ATP11A: variants seen among roughly 807,000 people sequenced by gnomAD.
ATP11A encodes phospholipid-transporting ATPase IH.
Under a neutral mutation model 154.4 loss-of-function variants are expected in ATP11A, and 81 were observed. That is an observed-to-expected ratio of 0.52 (90% CI 0.44 to 0.63). The LOEUF (loss-of-function observed/expected upper bound fraction) is 0.63. Ranked by LOEUF, ATP11A falls within the 30% of genes least tolerant of loss-of-function variation. ATP11A has a pLI of 0.00. For missense variants in ATP11A, 1,316 were observed against 1,474.3 expected (o/e 0.89, Z 1.76); for synonymous variants, 623 against 585.9 (o/e 1.06, Z -0.91).
At chr13:112,808,793 G>A (rs890381702) in intron 4 of ATP11A, among the ~76,000 whole-genome samples, 6 of 152,084 alleles carry the variant, frequency 3.9e-5, no homozygotes, top group African/African-American at 1.4e-4. Context: ...CTGCCAGAGC[G>A]GCCTTTCCCT....
chr13:112,761,387 T>G (rs1407638124), intron 1 of ATP11A, among the ~76,000 whole-genome samples: 1 of 152,236 alleles, frequency 6.6e-6, no homozygotes, highest in African/African-American at 2.4e-5. Context: ...GAATCTTCTC[T>G]CTGTGAAACT....
intron 1 of ATP11A, among the ~76,000 whole-genome samples, chr13:112,778,281 G>A (rs1383514635): frequency 6.6e-6 from 1 of 152,248 alleles, no homozygotes; most frequent in Non-Finnish European, 1.5e-5. Context: ...TGAGCTTAGC[G>A]GCTCTGTGAG....
chr13:112,777,288 G>T (rs987373764), intron 1 of ATP11A, among the ~76,000 whole-genome samples: 2 of 152,308 alleles, frequency 1.3e-5, no homozygotes, highest in South Asian at 2.1e-4. Context: ...CTAAGGCTGG[G>T]CATGGTGGCT....
At chr13:112,831,691 A>C in intron 13 of ATP11A, 143 bp downstream of exon 13, 1 of 952,054 alleles carries the variant, frequency 1.1e-6, no homozygotes, top group South Asian at 1.6e-5. Context: ...AGAAGGTGCG[A>C]TGTGTGTGGT....
rs1355532673 is a variant in ATP11A, at chr13:112,697,202, T to C, written c.39+6747T>C. Among the ~76,000 whole-genome samples, 1 of 152,082 alleles carries C rather than the reference T, an allele frequency of 6.6e-6. No individual in the cohort carries two copies. Among genetic ancestry groups the C allele is most frequent in the Non-Finnish European group, 1.5e-5 (1 of 68,006 alleles). ...GCCGCCCCTCGGTGGGCTCCGGTGC[T>C]GGCCTCTGCCTTCCCCAGGGCCACG... On this transcript the variant is annotated intron_variant, in intron 1 of 29. Coordinates refer to ENST00000375645, the MANE Select transcript of ATP11A (RefSeq NM_015205.3). This position sits in a 1 kb window ranked among gnomAD's most constrained non-coding sequence, Gnocchi z 4.0.
At chr13:112,738,445 G>A (rs945905688) in intron 1 of ATP11A, among the ~76,000 whole-genome samples, 7 of 152,208 alleles carry the variant, frequency 4.6e-5, no homozygotes, top group Admixed American at 6.5e-5. Flanking sequence ...CCCTCTGCTC[G>A]TAGAGTATTG....
At chr13:112,729,682 C>T (rs1438315650) in intron 1 of ATP11A, among the ~76,000 whole-genome samples, 1 of 152,246 alleles carries the variant, frequency 6.6e-6, no homozygotes, top group Non-Finnish European at 1.5e-5. Context: ...ACTGCCGCAG[C>T]GCTCCTGCTA....
At chr13:112,758,422 C>CA (rs1566436936) in intron 1 of ATP11A, among the ~76,000 whole-genome samples, 1 of 148,286 alleles carries the variant, frequency 6.7e-6, no homozygotes, top group East Asian at 2.0e-4. Context: ...CTTTTTTTTT[C>CA]TTTTTTTTCT....
intron 1 of ATP11A, among the ~76,000 whole-genome samples, chr13:112,721,946 C>T (rs950686582): frequency 2.0e-5 from 3 of 152,128 alleles, no homozygotes; most frequent in Non-Finnish European, 4.4e-5. Context: ...AAGGGGAGGC[C>T]GGCACACTGC....
At chr13:112,772,824 C>T (rs1429564408) in intron 1 of ATP11A, among the ~76,000 whole-genome samples, 1 of 152,268 alleles carries the variant, frequency 6.6e-6, no homozygotes, top group African/African-American at 2.4e-5. Flanking sequence ...TCTGCGTCCT[C>T]TCCTGGGCTT....
chr13:112,693,332 C>T (rs117953401), intron 1 of ATP11A, among the ~76,000 whole-genome samples: 1 of 149,798 alleles, frequency 6.7e-6, no homozygotes, highest in East Asian at 2.0e-4. Context: ...CTCTGGGGGG[C>T]GTGGGGAAAA....
intron 1 of ATP11A, among the ~76,000 whole-genome samples, chr13:112,751,582 C>T (rs2076690909): frequency 6.6e-6 from 1 of 152,040 alleles, no homozygotes; most frequent in Non-Finnish European, 1.5e-5. Flanking sequence ...ATCACTTGAA[C>T]CCGGAAGGTG....
At chr13:112,702,898 A>G (rs1035943950) in intron 1 of ATP11A, among the ~76,000 whole-genome samples, 3 of 152,262 alleles carry the variant, frequency 2.0e-5, no homozygotes, top group African/African-American at 7.2e-5. Flanking sequence ...GTTAACACAC[A>G]GGCTTGATGA....
At position 112,874,246 on chromosome 13, in the gene ATP11A, C is replaced by T. The variant is rs192542754; in HGVS notation, c.3161+570C>T. Reference sequence around the variant, plus strand: ...ACGCAGGCCCGGGCGGGAGGAGGTCCTCCGTGAGTGGGAGCCGTGGCCAGC... The same window carrying T: ...ACGCAGGCCCGGGCGGGAGGAGGTCTTCCGTGAGTGGGAGCCGTGGCCAGC... On this transcript the variant is annotated intron_variant, in intron 27 of 29. Coordinates refer to ENST00000375645, the MANE Select transcript of ATP11A (RefSeq NM_015205.3). 7.9e-5 allele frequency among the ~76,000 whole-genome samples: 12 copies of T among 152,300 alleles called. No homozygotes were observed. The East Asian group carries it at 9.7e-4, about 12-fold the overall frequency.
chr13:112,708,432 T>G lies in ATP11A; in HGVS notation c.39+17977T>G, dbSNP rs538125970. ...TAAGAAACTTAATTGTAAAATGGAG[T>G]AATTATATATTTTACATCGTTAGAC... On this transcript the variant is annotated intron_variant, in intron 1 of 29. Transcript: ENST00000375645. Among the ~76,000 whole-genome samples, 3 of 152,144 alleles carry G rather than the reference T, an allele frequency of 2.0e-5. No homozygotes were observed. The South Asian group carries it at 6.2e-4, about 32-fold the overall frequency.
intron 1 of ATP11A, among the ~76,000 whole-genome samples, chr13:112,730,936 T>C (rs1175263442): frequency 6.6e-6 from 1 of 152,032 alleles, no homozygotes; most frequent in Non-Finnish European, 1.5e-5. Flanking sequence ...AGACAGTCTA[T>C]TTATTTATTT....
chr13:112,797,741 A>G lies in ATP11A; in HGVS notation c.163-7216A>G, dbSNP rs574223172. 2.0e-5 allele frequency among the ~76,000 whole-genome samples: 3 copies of G among 152,388 alleles called. No homozygotes were observed. The East Asian group carries it at 5.8e-4, about 29-fold the overall frequency. ...AGGCAAACAAAAATTGAGCGAATTC[A>G]TTGCCAGTAGACCTCCCTTGCAAGA... On this transcript the variant is annotated intron_variant, in intron 2 of 29. Transcript: ENST00000375645.
chr13:112,870,190 C>T (rs148038579), intron 25 of ATP11A, among the ~76,000 whole-genome samples: 1 of 152,268 alleles, frequency 6.6e-6, no homozygotes, highest in African/African-American at 2.4e-5. Context: ...TGATGGGGGC[C>T]CCTAAGAAGC....
chr13:112,762,299 C>G (rs2076981424), intron 1 of ATP11A, among the ~76,000 whole-genome samples: 1 of 152,120 alleles, frequency 6.6e-6, no homozygotes, highest in Non-Finnish European at 1.5e-5. Context: ...TGCATCATTC[C>G]TGATGCCCGA....
Sources: gnomAD v4.1 joint callset for allele counts (sites outside exome capture counted in the v4.1 genomes callset) on GRCh38, gnomAD v4.1.1 for gene constraint, Gnocchi (gnomAD v3.1) non-coding constraint, MANE v1.5 for transcripts, NCBI Gene and HGNC (gene_info 2026-07-23, HGNC 2026-07-21) for gene names.